The following KIAA0825 variants were observed in gnomAD, a reference collection of about 807,000 sequenced individuals.
KIAA0825 encodes the protein KIAA0825.
In KIAA0825, 119 loss-of-function variants were observed where a neutral mutation model predicts 147.6. That is an observed-to-expected ratio of 0.81 (90% confidence interval 0.69 to 0.94). The LOEUF is 0.94. KIAA0825 is among the 40% of genes least tolerant of loss of function. The pLI, the probability that KIAA0825 is intolerant of heterozygous loss-of-function variation, is 0.00. For missense variants in KIAA0825, 1,381 were observed against 1,472.7 expected, an observed-to-expected ratio of 0.94 and a Z score of 1.02; for synonymous variants, 470 against 518.1, an observed-to-expected ratio of 0.91 and a Z score of 1.26.
Position 94,335,641 on chromosome 5 carries a change from A to G in KIAA0825, c.3710+48727T>C, listed in dbSNP as rs145027031. Among the ~76,000 whole-genome samples, 340 of 152,230 alleles carry G rather than the reference A, an allele frequency of 2.2e-3. 1 individual carries two copies. The highest frequency in any genetic ancestry group is 7.8e-3 in the African/African-American group (323 of 41,550). On this transcript the variant is annotated intron_variant, in intron 20 of 20. Coordinates refer to ENST00000682413, the MANE Select transcript of KIAA0825 (RefSeq NM_001145678.3). ...TTACACATATTTCCTCTCTTACCAC[A>G]AGAGTTAAAACCTAAATAATAATAT...
At chr5:94,229,054 C>T (rs967278396) in intron 20 of KIAA0825, among the ~76,000 whole-genome samples, 1 of 152,108 alleles carries the variant, frequency 6.6e-6, no homozygotes, top group African/African-American at 2.4e-5. Context: ...ACCTTTAATC[C>T]AGACTGTCTA....
chr5:94,521,060 T>A, intron 4 of KIAA0825, 143 bp from the exon 5 acceptor site: 2 of 776,370 alleles, frequency 2.6e-6, no homozygotes, highest in Non-Finnish European at 4.0e-6. Context: ...ATTTGAAATT[T>A]AATCAATTCA....
intron 5 of KIAA0825, among the ~76,000 whole-genome samples, chr5:94,493,459 C>A (rs978840657): frequency 7.2e-5 from 11 of 152,128 alleles, no homozygotes; most frequent in Admixed American, 2.6e-4. Context: ...ATTAGAGAGG[C>A]TGAATTGCTA....
chr5:94,280,277 G>A (rs976286467), intron 20 of KIAA0825, among the ~76,000 whole-genome samples: 2 of 152,066 alleles, frequency 1.3e-5, no homozygotes, highest in African/African-American at 4.8e-5. Flanking sequence ...TTCACTCCCA[G>A]TCCAGAACTC....
At chr5:94,169,387 G>A (rs1033635282) in intron 20 of KIAA0825, among the ~76,000 whole-genome samples, 1 of 152,018 alleles carries the variant, frequency 6.6e-6, no homozygotes, top group African/African-American at 2.4e-5. Flanking sequence ...TTCAAGACCA[G>A]TCTGGGCAAC....
At chr5:94,548,166 TAGAA>T (rs1426250373) in intron 2 of KIAA0825, among the ~76,000 whole-genome samples, 2 of 152,134 alleles carry the variant, frequency 1.3e-5, no homozygotes, top group African/African-American at 4.8e-5. Flanking sequence ...ATATCTTAAA[TAGAA>T]AGACTAAATG....
intron 7 of KIAA0825, among the ~76,000 whole-genome samples, chr5:94,474,885 G>T (rs1761671463): frequency 6.6e-6 from 1 of 152,038 alleles, no homozygotes; most frequent in South Asian, 2.1e-4. Flanking sequence ...GTCAGGAGAT[G>T]GAGACCATCC....
chr5:94,284,866 T>C (rs1321523654), intron 20 of KIAA0825, among the ~76,000 whole-genome samples: 1 of 152,144 alleles, frequency 6.6e-6, no homozygotes, highest in Admixed American at 6.6e-5. Context: ...TGTAGAAACA[T>C]TGTATCACTT....
chr5:94,556,186 G>A (rs1342065829), intron 2 of KIAA0825, among the ~76,000 whole-genome samples: 2 of 151,912 alleles, frequency 1.3e-5, no homozygotes, highest in Admixed American at 1.3e-4. Flanking sequence ...CCTAGTAGCT[G>A]GGATTACAGG....
chr5:94,564,793 T>C (rs532855692), intron 2 of KIAA0825, among the ~76,000 whole-genome samples: 2 of 152,266 alleles, frequency 1.3e-5, no homozygotes, highest in Non-Finnish European at 2.9e-5. Flanking sequence ...ATTTAAAATA[T>C]GTAAGAAGGC....
At chr5:94,375,033 C>CTT (rs35435550) in intron 20 of KIAA0825, among the ~76,000 whole-genome samples, 6,991 of 130,414 alleles carry the variant, frequency 0.054, 309 homozygotes, top group African/African-American at 0.11. Context: ...CTTTCCTTCT[C>CTT]TTTTTTTTTT....
chr5:94,520,119 A>T (rs1584760528), intron 5 of KIAA0825, 129 bp downstream of exon 5: 1 of 1,246,060 alleles, frequency 8.0e-7, no homozygotes, highest in East Asian at 2.8e-5. Context: ...TATACTGCAA[A>T]ATTTCATTAC....
At chr5:94,250,810 C>T (rs1775917905) in intron 20 of KIAA0825, among the ~76,000 whole-genome samples, 1 of 152,068 alleles carries the variant, frequency 6.6e-6, no homozygotes, top group Non-Finnish European at 1.5e-5. Flanking sequence ...CTGTTGAAGA[C>T]ATTTCTACAT....
At chr5:94,435,473 T>C (rs1449827887) in intron 14 of KIAA0825, among the ~76,000 whole-genome samples, 1 of 152,120 alleles carries the variant, frequency 6.6e-6, no homozygotes, top group Non-Finnish European at 1.5e-5. Flanking sequence ...TATGGCTGCA[T>C]AGCATTTCAT....
chr5:94,371,091 A>T (rs1264553343), intron 20 of KIAA0825, among the ~76,000 whole-genome samples: 1 of 152,128 alleles, frequency 6.6e-6, no homozygotes, highest in African/African-American at 2.4e-5. Context: ...ATCTTCCTGT[A>T]CCATTTGAAA....
At chr5:94,410,070 T>G (rs1204999996) in intron 15 of KIAA0825, among the ~76,000 whole-genome samples, 5 of 151,920 alleles carry the variant, frequency 3.3e-5, no homozygotes, top group African/African-American at 1.2e-4. Context: ...ACATCATATA[T>G]GTATAAGAAT....
At chr5:94,318,741 A>G (rs958701761) in intron 20 of KIAA0825, among the ~76,000 whole-genome samples, 1 of 151,934 alleles carries the variant, frequency 6.6e-6, no homozygotes, top group African/African-American at 2.4e-5. Flanking sequence ...AAGGTCAATA[A>G]TTATTAGCCA....
intron 15 of KIAA0825, among the ~76,000 whole-genome samples, chr5:94,412,489 C>T (rs1752893878): frequency 6.6e-6 from 1 of 152,058 alleles, no homozygotes; most frequent in African/African-American, 2.4e-5. Context: ...CAAGCTCCAC[C>T]TCCTGGGTTC....
chr5:94,524,742 G>T (rs568371413), intron 3 of KIAA0825, among the ~76,000 whole-genome samples: 2 of 151,796 alleles, frequency 1.3e-5, no homozygotes, highest in African/African-American at 4.8e-5. Flanking sequence ...AATTAGGTAA[G>T]TTTTAAATTT....
Sources: gnomAD v4.1 joint callset for allele counts (sites outside exome capture counted in the v4.1 genomes callset) on GRCh38, gnomAD v4.1.1 for gene constraint, MANE v1.5 for transcripts, NCBI Gene and HGNC (gene_info 2026-07-23, HGNC 2026-07-21) for gene names.